XNDC1N: variants seen among roughly 807,000 people sequenced by gnomAD.
The protein encoded by XNDC1N is XRCC1 N-terminal domain containing 1, N-terminal like.
the XNDC1N span, among the ~76,000 whole-genome samples, chr11:71,925,431 T>C: frequency 6.6e-6 from 1 of 152,064 alleles, no homozygotes; most frequent in Non-Finnish European, 1.5e-5. Context: ...GTGAATGCCA[T>C]CTAAACATCA....
At chr11:71,910,868 G>A in the XNDC1N span, among the ~76,000 whole-genome samples, 2 of 152,202 alleles carry the variant, frequency 1.3e-5, no homozygotes, top group African/African-American at 4.8e-5. Flanking sequence ...AAGGGGACAG[G>A]GACCGGGAAC....
At chr11:71,872,789 T>C in the XNDC1N span, among the ~76,000 whole-genome samples, 1 of 152,200 alleles carries the variant, frequency 6.6e-6, no homozygotes, top group Non-Finnish European at 1.5e-5. Context: ...AAAATCTTGC[T>C]GGTTCTAGCA....
chr11:71,922,899 T>C, the XNDC1N span, among the ~76,000 whole-genome samples: 1 of 152,160 alleles, frequency 6.6e-6, no homozygotes, highest in Non-Finnish European at 1.5e-5. Context: ...TGGGATATTG[T>C]AGAACTTTTA....
the XNDC1N span, among the ~76,000 whole-genome samples, chr11:71,886,123 C>T: frequency 2.0e-5 from 3 of 152,038 alleles, no homozygotes; most frequent in African/African-American, 7.2e-5. Flanking sequence ...TGAGGATGGT[C>T]ACGTGGTGGA....
the XNDC1N span, chr11:71,878,541 C>G: frequency 6.3e-7 from 1 of 1,598,602 alleles, no homozygotes; most frequent in Non-Finnish European, 8.5e-7. Flanking sequence ...TTCCAAAGTT[C>G]TAAAAATATA....
chr11:71,903,156 C>T, the XNDC1N span: 3 of 679,146 alleles, frequency 4.4e-6, no homozygotes, highest in Non-Finnish European at 8.1e-6. Flanking sequence ...TTTCAACCCT[C>T]TTTTCCAGGC....
chr11:71,897,098 C>T, the XNDC1N span, among the ~76,000 whole-genome samples: 1 of 152,172 alleles, frequency 6.6e-6, no homozygotes, highest in African/African-American at 2.4e-5. Flanking sequence ...TCAGAGACCT[C>T]ACCCCAAGCG....
the XNDC1N span, among the ~76,000 whole-genome samples, chr11:71,911,817 G>A: frequency 6.6e-6 from 1 of 152,208 alleles, no homozygotes; most frequent in Non-Finnish European, 1.5e-5. Context: ...CCATCTTGCT[G>A]GGTTTGGGGA....
chr11:71,912,633 T>C, the XNDC1N span, among the ~76,000 whole-genome samples: 1 of 152,136 alleles, frequency 6.6e-6, no homozygotes, highest in Admixed American at 6.5e-5. Context: ...TGGAGTAATA[T>C]TATCCTCTCC....
chr11:71,885,550 G>A, the XNDC1N span, among the ~76,000 whole-genome samples: 26 of 151,990 alleles, frequency 1.7e-4, no homozygotes, highest in African/African-American at 5.1e-4. Context: ...GATTATATTC[G>A]GATCAATATC....
At chr11:71,923,707 C>T in the XNDC1N span, among the ~76,000 whole-genome samples, 1 of 152,140 alleles carries the variant, frequency 6.6e-6, no homozygotes, top group African/African-American at 2.4e-5. Context: ...AGGTGCCCGC[C>T]ACCACGCCCG....
chr11:71,886,033 C>T, the XNDC1N span, among the ~76,000 whole-genome samples: 1 of 151,848 alleles, frequency 6.6e-6, no homozygotes, highest in Non-Finnish European at 1.5e-5. Flanking sequence ...TGCGCCATTC[C>T]ACTCCTCCCT....
chr11:71,896,389 C>T, the XNDC1N span, among the ~76,000 whole-genome samples: 2 of 152,184 alleles, frequency 1.3e-5, no homozygotes, highest in Admixed American at 6.5e-5. Context: ...ATAATTGAGT[C>T]CCAAAATACA....
At chr11:71,894,962 A>G in the XNDC1N span, among the ~76,000 whole-genome samples, 2 of 152,316 alleles carry the variant, frequency 1.3e-5, no homozygotes, top group South Asian at 4.1e-4. Context: ...AACTGCTTCT[A>G]TAGAATCTAT....
chr11:71,919,929 C>CTTCTTTTTTTTTTTTTT, the XNDC1N span, among the ~76,000 whole-genome samples: 2 of 26,590 alleles, frequency 7.5e-5, no homozygotes, highest in Non-Finnish European at 1.7e-4. Context: ...AAGCAGGCCT[C>CTTCTTTTTTTTTTTTTT]TTTTTTTTTT....
At chr11:71,874,341 AT>A in the XNDC1N span, among the ~76,000 whole-genome samples, 1 of 152,200 alleles carries the variant, frequency 6.6e-6, no homozygotes, top group East Asian at 1.9e-4. Context: ...AAAATAAAAA[AT>A]AAAAGAGATA....
At chr11:71,901,208 A>G in the XNDC1N span, among the ~76,000 whole-genome samples, 2 of 152,160 alleles carry the variant, frequency 1.3e-5, no homozygotes, top group African/African-American at 4.8e-5. Flanking sequence ...GCAGTCATCA[A>G]TTCGGAGTTT....
At chr11:71,906,996 G>C in the XNDC1N span, among the ~76,000 whole-genome samples, 2 of 152,088 alleles carry the variant, frequency 1.3e-5, no homozygotes, top group Non-Finnish European at 2.9e-5. Flanking sequence ...ATACCAAAGG[G>C]AAACTACTCC....
chr11:71,889,427 G>A, the XNDC1N span, among the ~76,000 whole-genome samples: 1 of 152,174 alleles, frequency 6.6e-6, no homozygotes, highest in Non-Finnish European at 1.5e-5. Flanking sequence ...GGGCATCAGG[G>A]CTCCCTCAAG....
Sources: gnomAD v4.1 joint callset for allele counts (sites outside exome capture counted in the v4.1 genomes callset) on GRCh38, gnomAD v4.1.1 for gene constraint, MANE v1.5 for transcripts, NCBI Gene and HGNC (gene_info 2026-07-23, HGNC 2026-07-21) for gene names.